The following IQCB1 variants were observed in gnomAD, a reference collection of about 807,000 sequenced individuals.
IQCB1 encodes IQ motif containing B1.
Under a neutral mutation model 84.4 loss-of-function variants are expected in IQCB1, and 56 were observed. That is an observed-to-expected ratio of 0.66 (90% CI 0.54 to 0.83). The LOEUF (loss-of-function observed/expected upper bound fraction) is 0.83. Ranked by LOEUF, IQCB1 falls within the 40% of genes least tolerant of loss-of-function variation. The pLI, the probability that IQCB1 is intolerant of heterozygous loss-of-function variation, is 0.00. For synonymous variants in IQCB1, 210 were observed against 234.8 expected (o/e 0.89, Z 0.96); for missense variants, 629 against 682.1 (o/e 0.92, Z 0.87).
intron 7 of IQCB1, among the ~76,000 whole-genome samples, chr3:121,804,502 T>C (rs1048808508): frequency 3.3e-5 from 5 of 152,138 alleles, no homozygotes; most frequent in Non-Finnish European, 7.4e-5. Flanking sequence ...CTGCTGAGCA[T>C]GTAATTCTAA....
chr3:121,772,067 G>A (rs184236937), intron 14 of IQCB1, among the ~76,000 whole-genome samples: 6 of 152,046 alleles, frequency 3.9e-5, no homozygotes, highest in Admixed American at 2.0e-4. Flanking sequence ...CCAGCTACTC[G>A]GGGAGGCTGA....
intron 5 of IQCB1, among the ~76,000 whole-genome samples, chr3:121,813,327 T>C (rs1949907199): frequency 6.6e-6 from 1 of 152,130 alleles, no homozygotes; most frequent in Non-Finnish European, 1.5e-5. Flanking sequence ...CATACCAAAA[T>C]ACAAAGCCCC....
intron 5 of IQCB1, among the ~76,000 whole-genome samples, chr3:121,817,995 C>A (rs186169633): frequency 4.6e-5 from 7 of 152,264 alleles, no homozygotes; most frequent in Admixed American, 4.6e-4. Context: ...GCTTCTTGAT[C>A]TTGGACTTCT....
intron 13 of IQCB1, among the ~76,000 whole-genome samples, chr3:121,773,296 A>G (rs921324025): frequency 7.2e-6 from 1 of 139,256 alleles, no homozygotes; most frequent in African/African-American, 2.8e-5. Flanking sequence ...CCTAGGCAAC[A>G]GAGCAAGACT....
intron 7 of IQCB1, among the ~76,000 whole-genome samples, chr3:121,803,341 G>A (rs527976426): frequency 2.6e-5 from 4 of 152,280 alleles, no homozygotes; most frequent in South Asian, 4.1e-4. Flanking sequence ...GTGAGCCACC[G>A]TGCCCGGCCC....
At chr3:121,807,576 AAAG>A in intron 6 of IQCB1, 133 bp from the exon 7 acceptor site, 2 of 581,980 alleles carry the variant, frequency 3.4e-6, no homozygotes, top group Non-Finnish European at 3.1e-6. Context: ...ACTCTACGAT[AAAG>A]AAGACTTTAA....
At chr3:121,833,498 T>G (rs1328262917) in intron 2 of IQCB1, among the ~76,000 whole-genome samples, 1 of 152,196 alleles carries the variant, frequency 6.6e-6, no homozygotes, top group Non-Finnish European at 1.5e-5. Flanking sequence ...TAATAAAACA[T>G]CACTAAATCA....
chr3:121,811,171 G>T (rs1286472275), intron 5 of IQCB1, among the ~76,000 whole-genome samples: 1 of 152,098 alleles, frequency 6.6e-6, no homozygotes, highest in Non-Finnish European at 1.5e-5. Context: ...CCTCACCTGG[G>T]AAGTGCAAGG....
intron 7 of IQCB1, among the ~76,000 whole-genome samples, chr3:121,799,719 A>G (rs370078369): frequency 1.4e-4 from 21 of 152,016 alleles, no homozygotes; most frequent in African/African-American, 5.1e-4. Flanking sequence ...AGGCAATGAT[A>G]AAAGTGAAAT....
At chr3:121,783,448 T>G (rs1198438713) in intron 12 of IQCB1, among the ~76,000 whole-genome samples, 1 of 152,262 alleles carries the variant, frequency 6.6e-6, no homozygotes, top group African/African-American at 2.4e-5. Flanking sequence ...TACAAAATTA[T>G]GACCACATAA....
At chr3:121,809,246 T>C (rs927405524) in intron 5 of IQCB1, among the ~76,000 whole-genome samples, 5 of 151,924 alleles carry the variant, frequency 3.3e-5, no homozygotes, top group East Asian at 1.9e-4. Context: ...ACATAAGTAG[T>C]GTAAGGGCTA....
chr3:121,808,045 A>C (rs1437573294), intron 6 of IQCB1, among the ~76,000 whole-genome samples: 2 of 152,038 alleles, frequency 1.3e-5, no homozygotes, highest in Non-Finnish European at 2.9e-5. Flanking sequence ...CACATGAGCT[A>C]ATGTAAAATA....
chr3:121,795,359 A>G, intron 10 of IQCB1, 98 bp downstream of exon 10: 1 of 767,872 alleles, frequency 1.3e-6, no homozygotes. Flanking sequence ...GATAACAAGA[A>G]ACATACTAGG....
At chr3:121,823,074 T>A (rs1014177705) in intron 5 of IQCB1, among the ~76,000 whole-genome samples, 2 of 152,112 alleles carry the variant, frequency 1.3e-5, no homozygotes, top group Non-Finnish European at 2.9e-5. Context: ...ATAAAAATCA[T>A]AGAACAATAC....
At chr3:121,831,757 G>A (rs1430340047) in intron 2 of IQCB1, among the ~76,000 whole-genome samples, 1 of 152,150 alleles carries the variant, frequency 6.6e-6, no homozygotes, top group East Asian at 1.9e-4. Flanking sequence ...AGCAAAAACT[G>A]TTTTTCCATT....
intron 13 of IQCB1, among the ~76,000 whole-genome samples, chr3:121,773,348 A>G (rs57420306): frequency 0.28 from 40,170 of 145,792 alleles, 6,027 homozygotes; most frequent in Admixed American, 0.43. Flanking sequence ...ACACTGGCCT[A>G]TAACAGGTGT....
intron 12 of IQCB1, among the ~76,000 whole-genome samples, chr3:121,784,900 C>T (rs1172127091): frequency 6.6e-6 from 1 of 152,142 alleles, no homozygotes; most frequent in Non-Finnish European, 1.5e-5. Flanking sequence ...TCTCAAACTC[C>T]TGAGCTCAAG....
intron 7 of IQCB1, among the ~76,000 whole-genome samples, chr3:121,803,580 C>T (rs1949492067): frequency 6.6e-6 from 1 of 152,060 alleles, no homozygotes; most frequent in Non-Finnish European, 1.5e-5. Context: ...ACATCTTTTG[C>T]TTTAATTGAG....
intron 5 of IQCB1, among the ~76,000 whole-genome samples, chr3:121,815,634 T>A (rs775984554): frequency 3.3e-5 from 5 of 152,012 alleles, no homozygotes; most frequent in Admixed American, 6.5e-5. Context: ...CAGAGACAAA[T>A]CATAAGTGAA....
Sources: allele counts gnomAD v4.1 joint callset (sites outside exome capture counted in the v4.1 genomes callset), GRCh38; gene constraint gnomAD v4.1.1; transcripts MANE v1.5; gene names NCBI Gene and HGNC (gene_info 2026-07-23, HGNC 2026-07-21).